Variants in ASXL2 observed in about 807,000 individuals in gnomAD.
ASXL2 encodes ASXL transcriptional regulator 2, also known as putative Polycomb group protein ASXL2.
In ASXL2, 23 loss-of-function variants were observed where a neutral mutation model predicts 122.0. The ratio of observed to expected loss-of-function variants is 0.19; its 90% confidence interval spans 0.14 to 0.27. ASXL2 has a LOEUF of 0.27. Ranked by LOEUF, ASXL2 falls within the 10% of genes least tolerant of loss-of-function variation. The pLI is 1.00. For missense variants in ASXL2, 1,518 were observed against 1,713.8 expected, an observed-to-expected ratio of 0.89 and a Z score of 2.02; for synonymous variants, 650 against 637.0, an observed-to-expected ratio of 1.02 and a Z score of -0.31.
intron 5 of ASXL2, among the ~76,000 whole-genome samples, chr2:25,782,083 A>T (rs2088652447): frequency 6.6e-6 from 1 of 150,974 alleles, no homozygotes; most frequent in Non-Finnish European, 1.5e-5. Flanking sequence ...TGGGACTACA[A>T]GCATGGGCCA....
chr2:25,858,692 C>T (rs1232965539), intron 1 of ASXL2, among the ~76,000 whole-genome samples: 6 of 149,134 alleles, frequency 4.0e-5, no homozygotes, highest in African/African-American at 1.5e-4. Context: ...CACTGTACTC[C>T]AGCCTGGCGA....
At chr2:25,810,285 T>A in intron 3 of ASXL2, 3 of 634,642 alleles carry the variant, frequency 4.7e-6, no homozygotes, top group Non-Finnish European at 8.9e-6. Flanking sequence ...ACGAGCCACC[T>A]CTTCATACTT....
intron 1 of ASXL2, among the ~76,000 whole-genome samples, chr2:25,865,160 G>A (rs755741495): frequency 1.4e-4 from 21 of 151,792 alleles, no homozygotes; most frequent in Non-Finnish European, 3.1e-4. Context: ...GCCAGGCATG[G>A]TGGCTCACGC....
intron 2 of ASXL2, among the ~76,000 whole-genome samples, chr2:25,836,485 T>C (rs1033803329): frequency 6.6e-6 from 1 of 151,288 alleles, no homozygotes; most frequent in Non-Finnish European, 1.5e-5. Context: ...TGGAGAGATA[T>C]GGGAAAAAAA....
chr2:25,787,900 G>A (rs979910503), intron 5 of ASXL2, among the ~76,000 whole-genome samples: 2 of 152,154 alleles, frequency 1.3e-5, no homozygotes, highest in Non-Finnish European at 2.9e-5. Flanking sequence ...ACATGAAGAT[G>A]AGATCAGTCA....
Position 25,734,689 on chromosome 2 carries a change from T to C in ASXL2, c.*7340A>G, listed in dbSNP as rs2087706815. ...AAAGTATTGACTCAAGTTGGTCTAA[T>C]ATAGTGTTTAGGAAGCCAAGTTCCA... On this transcript the variant is annotated 3_prime_UTR_variant, in exon 13 of 13. Transcript: ENST00000435504. 1.3e-5 allele frequency: 2 copies of C among 152,218 alleles called. No homozygotes were observed. Among genetic ancestry groups the C allele is most frequent in the Admixed American group, 1.3e-4 (2 of 15,274 alleles). 9.4% of individuals were successfully genotyped at this position (152,218 alleles called of 1,614,324 possible). A position where few individuals can be genotyped will look rare whatever the true frequency, so the allele number is the denominator to read the frequency against.
At chr2:25,795,125 T>G (rs1313028884) in intron 5 of ASXL2, among the ~76,000 whole-genome samples, 2 of 152,204 alleles carry the variant, frequency 1.3e-5, no homozygotes, top group African/African-American at 2.4e-5. Flanking sequence ...TGTGACATCA[T>G]GCGCACCTCT....
chr2:25,806,174 T>C (rs1219743941), intron 4 of ASXL2, 55 bp downstream of exon 4: 3 of 1,120,700 alleles, frequency 2.7e-6, no homozygotes, highest in African/African-American at 3.1e-5. Flanking sequence ...CAAATATTTA[T>C]ATGTGGTCAC....
At chr2:25,856,992 G>T in intron 1 of ASXL2, 1 of 297,930 alleles carries the variant, frequency 3.4e-6, no homozygotes, top group Non-Finnish European at 6.2e-6. Flanking sequence ...TAACAGTAAT[G>T]ATAGCAAGTT....
chr2:25,742,990 G>A lies in ASXL2; in HGVS notation c.3347C>T (p.Ser1116Phe). 1 of 1,613,998 alleles carries A rather than the reference G, an allele frequency of 6.2e-7. No individual in the cohort carries two copies. Among genetic ancestry groups the A allele is most frequent in the South Asian group, 1.1e-5 (1 of 91,078 alleles). The change falls in exon 13 of 13, where the codon TCC becomes TTC. Residue 1116 changes from serine to phenylalanine, a missense_variant. By Grantham distance (155) the Ser-to-Phe change is radical. Around this residue, in one of 8 missense-constraint regions of ASXL2, gnomAD observed 831 missense variants for 833.1 expected, o/e 1.00. Coordinates refer to ENST00000435504, the MANE Select transcript of ASXL2 (RefSeq NM_018263.6). ...FMLGFAGRRT[S>F]KPAMAGHYLL... ...GTAGTGCCCTGCCATTGCAGGTTTGGATGTCCTTCTGCCAGCAAAACCCAG... is the reference window on the plus strand; with the variant it reads ...GTAGTGCCCTGCCATTGCAGGTTTGAATGTCCTTCTGCCAGCAAAACCCAG...
At chr2:25,787,313 C>T (rs747855672) in intron 5 of ASXL2, among the ~76,000 whole-genome samples, 1 of 152,148 alleles carries the variant, frequency 6.6e-6, no homozygotes, top group Admixed American at 6.5e-5. Flanking sequence ...GCAGTGAATC[C>T]CTCAAACTAA....
chr2:25,812,223 C>T (rs1232626134), intron 3 of ASXL2, among the ~76,000 whole-genome samples: 1 of 150,510 alleles, frequency 6.6e-6, no homozygotes, highest in African/African-American at 2.4e-5. Flanking sequence ...CTTTGGGAGC[C>T]GAGGCAGGTG....
chr2:25,751,648 GAAAA>G (rs1300955392), intron 11 of ASXL2, among the ~76,000 whole-genome samples: 2 of 148,946 alleles, frequency 1.3e-5, no homozygotes, highest in Admixed American at 1.3e-4. Context: ...AAAAAAAAAA[GAAAA>G]AGAGAAAAAA....
In ASXL2 at chr2:25,853,266, A is replaced by G. The variant is rs572450754; in HGVS notation, c.58-7703T>C. On this transcript the variant is annotated intron_variant, in intron 1 of 12. Transcript: ENST00000435504. ...CTCACTCACCTGAGTTCAGGAGCTCAACACATGAGAGTAACAAGGAACACA... is the reference window on the plus strand; with the variant it reads ...CTCACTCACCTGAGTTCAGGAGCTCGACACATGAGAGTAACAAGGAACACA... 3.9e-5 allele frequency among the ~76,000 whole-genome samples: 6 copies of G among 152,344 alleles called. No individual in the cohort carries two copies. The South Asian group carries it at 1.2e-3, about 32-fold the overall frequency.
intron 5 of ASXL2, among the ~76,000 whole-genome samples, chr2:25,780,804 T>C (rs2088621627): frequency 6.6e-6 from 1 of 152,172 alleles, no homozygotes; most frequent in African/African-American, 2.4e-5. Flanking sequence ...TCACCCATGT[T>C]TGGCCGGGCG....
At chr2:25,832,730 T>C (rs767418592) in intron 3 of ASXL2, among the ~76,000 whole-genome samples, 1 of 152,112 alleles carries the variant, frequency 6.6e-6, no homozygotes, top group South Asian at 2.1e-4. Flanking sequence ...ACAAAAACAT[T>C]TACACAAATG....
intron 6 of ASXL2, among the ~76,000 whole-genome samples, chr2:25,770,824 C>T (rs2088436197): frequency 6.6e-6 from 1 of 152,100 alleles, no homozygotes. Flanking sequence ...CAATAAATCC[C>T]AAAGAAAACA....
At chr2:25,765,854 C>A (rs2088340391) in intron 8 of ASXL2, among the ~76,000 whole-genome samples, 2 of 152,142 alleles carry the variant, frequency 1.3e-5, no homozygotes, top group South Asian at 4.1e-4. Flanking sequence ...ATTAGCATTT[C>A]TTCCATAGAT....
chr2:25,768,866 C>A lies in ASXL2; in HGVS notation c.507G>T (p.Ala169=), dbSNP rs773532286. 34 of 1,613,150 alleles carry A rather than the reference C, an allele frequency of 2.1e-5. No individual in the cohort carries two copies. The highest frequency in any genetic ancestry group is 5.5e-5 in the South Asian group (5 of 91,000). Residue 169 remains alanine (A), a splice_region_variant and synonymous_variant, in exon 7 of 13, where the codon GCG becomes GCT. Transcript: ENST00000435504. ...GCTTCTTCTGCTGTTGCTGCTTTAGCGCCTATAAAGATAAAACAGACTATA... is the reference window on the plus strand; with the variant it reads ...GCTTCTTCTGCTGTTGCTGCTTTAGAGCCTATAAAGATAAAACAGACTATA... The part of the protein sequence containing the change: ...QKHSKKALKQ[A]LKQQQQKKQQ...
Sources: allele counts gnomAD v4.1 joint callset (sites outside exome capture counted in the v4.1 genomes callset), GRCh38; gene constraint gnomAD v4.1.1; regional missense constraint gnomAD v4.1.1; transcripts MANE v1.5; gene names NCBI Gene and HGNC (gene_info 2026-07-23, HGNC 2026-07-21).